The following MARCHF5 variants were observed in gnomAD, a reference collection of about 807,000 sequenced individuals.
The protein encoded by MARCHF5 is E3 ubiquitin-protein ligase MARCHF5.
Under a neutral mutation model 36.5 loss-of-function variants are expected in MARCHF5, and 5 were observed. The observed-to-expected ratio is 0.14, with a 90% CI of 0.07 to 0.29. The LOEUF (loss-of-function observed/expected upper bound fraction) is 0.29, where lower values mean the gene tolerates loss of function less well. MARCHF5 is among the 10% of genes least tolerant of loss of function. MARCHF5 has a pLI of 1.00. For missense variants in MARCHF5, 179 were observed against 336.3 expected (o/e 0.53, Z 3.66); for synonymous variants, 103 against 109.9 (o/e 0.94, Z 0.39).
chr10:92,310,991 G>T (rs1339771623), intron 1 of MARCHF5, 144 bp from the exon 2 acceptor site: 2 of 617,484 alleles, frequency 3.2e-6, no homozygotes, highest in Non-Finnish European at 5.6e-6. Context: ...TGTATTGGTT[G>T]TTTTGTCTCC....
intron 3 of MARCHF5, among the ~76,000 whole-genome samples, chr10:92,347,367 C>G (rs377105005): frequency 7.2e-5 from 11 of 151,932 alleles, no homozygotes; most frequent in African/African-American, 2.7e-4. Flanking sequence ...TGCCTGTAAT[C>G]CCATCTACTC....
chr10:92,344,681 A>T (rs148231397), intron 3 of MARCHF5, among the ~76,000 whole-genome samples: 1 of 152,344 alleles, frequency 6.6e-6, no homozygotes, highest in African/African-American at 2.4e-5. Flanking sequence ...ACAACCCTGC[A>T]GTACAAGTAA....
intron 3 of MARCHF5, among the ~76,000 whole-genome samples, chr10:92,342,564 T>C (rs893541535): frequency 2.1e-4 from 32 of 152,240 alleles, no homozygotes; most frequent in African/African-American, 6.0e-4. Context: ...ACCTGACTTC[T>C]TGTCACTTCA....
chr10:92,307,171 A>T (rs1364670495), intron 1 of MARCHF5, among the ~76,000 whole-genome samples: 1 of 129,490 alleles, frequency 7.7e-6, no homozygotes, highest in East Asian at 2.2e-4. Flanking sequence ...AGGAAAGAAA[A>T]CATCTGTGTG....
intron 1 of MARCHF5, among the ~76,000 whole-genome samples, chr10:92,307,273 C>G (rs1843087271): frequency 6.6e-6 from 1 of 151,816 alleles, no homozygotes; most frequent in East Asian, 1.9e-4. Context: ...ACTAGTCACA[C>G]TCTTATATGC....
rs1015634240 is a variant in MARCHF5, at chr10:92,308,232, C to T, written c.36-2903C>T. Among the ~76,000 whole-genome samples the T allele has an allele frequency of 5.5e-4, 83 of 152,060 alleles. 1 individual carries two copies. Among genetic ancestry groups the T allele is most frequent in the Non-Finnish European group, 1.6e-4 (11 of 68,014 alleles). On this transcript the variant is annotated intron_variant, in intron 1 of 5. Transcript: ENST00000358935. ...CTGGGATTATAGGCATGAGCCACCG[C>T]GCCCAGCCTATGCTTCCCCTTTCTA...
At chr10:92,346,894 T>C (rs1159629338) in intron 3 of MARCHF5, among the ~76,000 whole-genome samples, 1 of 152,162 alleles carries the variant, frequency 6.6e-6, no homozygotes, top group African/African-American at 2.4e-5. Context: ...ATATTCACTC[T>C]TCTTTATATT....
At chr10:92,313,189 G>A (rs1164918160) in intron 2 of MARCHF5, among the ~76,000 whole-genome samples, 4 of 152,162 alleles carry the variant, frequency 2.6e-5, no homozygotes, top group Admixed American at 1.3e-4. Context: ...AGCCAAGATC[G>A]TGCCACTGCA....
At position 92,351,078 on chromosome 10, in the gene MARCHF5, C is replaced by G; in HGVS notation, c.721-13C>G. The G allele has an allele frequency of 6.8e-7, 1 of 1,479,080 alleles. No homozygotes were observed. Among genetic ancestry groups the G allele is most frequent in the Non-Finnish European group, 9.4e-7 (1 of 1,067,376 alleles). The allele number at this position is 1,479,080 out of a possible 1,614,324, so 91.6% of individuals were successfully genotyped here. ...TCTGCATTATAAAAAGCTAATTTTC[C>G]TTTTTATTTTAGGGTGGAATTGCGT... is the stretch of plus-strand genomic sequence containing the variant. On this transcript the variant is annotated splice_polypyrimidine_tract_variant and intron_variant, in intron 5 of 5. Coordinates refer to ENST00000358935, the MANE Select transcript of MARCHF5 (RefSeq NM_017824.5).
chr10:92,331,889 GTATATATAATCATATATA>G (rs1564950982), intron 2 of MARCHF5, among the ~76,000 whole-genome samples: 4 of 31,540 alleles, frequency 1.3e-4, no homozygotes, highest in Non-Finnish European at 2.5e-4. Flanking sequence ...TCATATATAT[GTATATATAATCATATATA>G]TGTATATATA....
intron 3 of MARCHF5, among the ~76,000 whole-genome samples, chr10:92,341,517 A>T (rs1435214040): frequency 1.3e-5 from 2 of 152,098 alleles, no homozygotes; most frequent in African/African-American, 4.8e-5. Flanking sequence ...GAGAGACATA[A>T]ATTTCAAAAT....
chr10:92,350,342 G>C (rs574803519), intron 5 of MARCHF5: 2 of 153,912 alleles, frequency 1.3e-5, no homozygotes, highest in East Asian at 1.9e-4. Context: ...GACCTTGGAG[G>C]ACTGAACAAA....
rs748081052 is a variant in MARCHF5, at chr10:92,311,115, T to G, written c.36-20T>G. The G allele has an allele frequency of 6.2e-7, 1 of 1,603,660 alleles. No individual in the cohort carries two copies. The highest frequency in any genetic ancestry group is 1.7e-5 in the Admixed American group (1 of 59,880). ...AGTCCTAAAGATATAAATGTCATCC[T>G]TTTCTCTTTTAATTTACAGAAGTTG... On this transcript the variant is annotated intron_variant, in intron 1 of 5. Coordinates refer to ENST00000358935, the MANE Select transcript of MARCHF5 (RefSeq NM_017824.5).
At chr10:92,350,707 G>C (rs1185198068) in intron 5 of MARCHF5, among the ~76,000 whole-genome samples, 1 of 152,210 alleles carries the variant, frequency 6.6e-6, no homozygotes, top group Non-Finnish European at 1.5e-5. Context: ...ACAGTTTGCT[G>C]TTTGGTCATA....
chr10:92,308,917 G>A (rs1309465896), intron 1 of MARCHF5, among the ~76,000 whole-genome samples: 1 of 152,100 alleles, frequency 6.6e-6, no homozygotes, highest in African/African-American at 2.4e-5. Flanking sequence ...GTGTTAGCCA[G>A]GATGGTCTCA....
chr10:92,298,204 A>G (rs1842970822), intron 1 of MARCHF5, among the ~76,000 whole-genome samples: 1 of 152,220 alleles, frequency 6.6e-6, no homozygotes. Context: ...ACTAAAGGTC[A>G]CCAATAATTT....
chr10:92,301,325 C>T (rs749493359), intron 1 of MARCHF5, among the ~76,000 whole-genome samples: 3 of 152,176 alleles, frequency 2.0e-5, no homozygotes, highest in African/African-American at 4.8e-5. Context: ...AAATGAAACA[C>T]GTATTTTTTG....
Position 92,343,381 on chromosome 10 carries a change from C to T in MARCHF5, c.369+2578C>T, listed in dbSNP as rs551091467. Among the ~76,000 whole-genome samples the T allele has an allele frequency of 8.5e-5, 13 of 152,342 alleles. No individual in the cohort carries two copies. The South Asian group carries it at 2.7e-3, about 32-fold the overall frequency. On this transcript the variant is annotated intron_variant, in intron 3 of 5. Coordinates refer to ENST00000358935, the MANE Select transcript of MARCHF5 (RefSeq NM_017824.5). ...TTTATTCCTCAAATGGCAGCTAGTCCTGCCCTGATGAAGTGACATTTCTTA... is the reference window on the plus strand; with the variant it reads ...TTTATTCCTCAAATGGCAGCTAGTCTTGCCCTGATGAAGTGACATTTCTTA...
chr10:92,301,674 G>A (rs4933720), intron 1 of MARCHF5, among the ~76,000 whole-genome samples: 83,485 of 152,126 alleles, frequency 0.55, 23,435 homozygotes, highest in Admixed American at 0.66. Flanking sequence ...CTCTGTAGAT[G>A]CTCAAGTCCC....
Sources: allele counts gnomAD v4.1 joint callset (sites outside exome capture counted in the v4.1 genomes callset), GRCh38; gene constraint gnomAD v4.1.1; transcripts MANE v1.5; gene names NCBI Gene and HGNC (gene_info 2026-07-23, HGNC 2026-07-21).